Variants in CHRNA5 observed in about 807,000 individuals in gnomAD.
The protein encoded by CHRNA5 is neuronal acetylcholine receptor subunit alpha-5.
CHRNA5 carries 28 observed loss-of-function variants against 41.2 expected under a neutral mutation model. The ratio of observed to expected loss-of-function variants is 0.68; its 90% CI spans 0.50 to 0.93. The LOEUF is 0.93. Ranked by LOEUF, CHRNA5 falls within the 40% of genes least tolerant of loss-of-function variation. CHRNA5 has a pLI of 0.00. For synonymous variants in CHRNA5, 188 were observed against 205.8 expected (o/e 0.91, Z 0.74); for missense variants, 481 against 581.9 (o/e 0.83, Z 1.78).
At chr15:78,574,745 C>T (rs1356616963) in intron 1 of CHRNA5, among the ~76,000 whole-genome samples, 4 of 151,828 alleles carry the variant, frequency 2.6e-5, no homozygotes, top group South Asian at 4.2e-4. Context: ...TTTGGGAGGC[C>T]GAGACAGGTG....
intron 1 of CHRNA5, among the ~76,000 whole-genome samples, chr15:78,569,290 G>A (rs1388810105): frequency 6.6e-6 from 1 of 151,768 alleles, no homozygotes; most frequent in Non-Finnish European, 1.5e-5. Context: ...AGGATATGAA[G>A]TTTTAGTTCA....
At chr15:78,592,982 G>A in intron 5 of CHRNA5, 110 bp from the exon 6 acceptor site, 2 of 1,319,268 alleles carry the variant, frequency 1.5e-6, no homozygotes, top group South Asian at 1.5e-5. Context: ...TTTAGAGGCA[G>A]CAATGGGAGG....
At chr15:78,589,780 G>A in intron 4 of CHRNA5, 25 bp from the exon 5 acceptor site, 2 of 1,489,462 alleles carry the variant, frequency 1.3e-6, no homozygotes, top group East Asian at 2.3e-5. Context: ...TTTCTGCATT[G>A]TTATTTTATA....
At chr15:78,573,998 A>G in intron 1 of CHRNA5, among the ~76,000 whole-genome samples, 1 of 97,686 alleles carries the variant, frequency 1.0e-5, no homozygotes, top group African/African-American at 3.9e-5. Flanking sequence ...TATTTTTAGT[A>G]GAGACAGGGT....
At chr15:78,583,131 T>G (rs972498241) in intron 2 of CHRNA5, among the ~76,000 whole-genome samples, 1 of 152,224 alleles carries the variant, frequency 6.6e-6, no homozygotes. Flanking sequence ...ATTCCTTGTA[T>G]CTGTCCCAGA....
intron 1 of CHRNA5, among the ~76,000 whole-genome samples, chr15:78,571,275 A>G (rs183861620): frequency 6.6e-6 from 1 of 152,348 alleles, no homozygotes; most frequent in Non-Finnish European, 1.5e-5. Context: ...AGCCCAAACA[A>G]TGTAAGGCTA....
At chr15:78,593,481 C>G (rs1596066373) in exon 6 of CHRNA5, 2 of 325,892 alleles carry the variant, frequency 6.1e-6, no homozygotes, top group East Asian at 5.4e-5. Context: ...AAAATATTAT[C>G]TGAACTGGAC....
At chr15:78,570,083 A>G (rs1432064729) in intron 1 of CHRNA5, among the ~76,000 whole-genome samples, 3 of 151,938 alleles carry the variant, frequency 2.0e-5, no homozygotes, top group Non-Finnish European at 2.9e-5. Context: ...CGGCCTCCCA[A>G]AGTGTTGGGA....
intron 1 of CHRNA5, among the ~76,000 whole-genome samples, chr15:78,578,544 T>G (rs1345761416): frequency 6.6e-6 from 1 of 152,146 alleles, no homozygotes; most frequent in Non-Finnish European, 1.5e-5. Flanking sequence ...TTTTTAAAAT[T>G]AAACTAGTTA....
chr15:78,582,026 T>A (rs1489156111), intron 2 of CHRNA5, among the ~76,000 whole-genome samples: 1 of 152,226 alleles, frequency 6.6e-6, no homozygotes, highest in African/African-American at 2.4e-5. Flanking sequence ...ACGTCTCCTT[T>A]CCTTAAGAAA....
chr15:78,577,383 A>G (rs756662348), intron 1 of CHRNA5, among the ~76,000 whole-genome samples: 2 of 152,244 alleles, frequency 1.3e-5, no homozygotes, highest in Non-Finnish European at 2.9e-5. Context: ...TAAGTGCACT[A>G]TCAAGGTTTT....
At chr15:78,582,258 G>A (rs1282603090) in intron 2 of CHRNA5, among the ~76,000 whole-genome samples, 1 of 152,080 alleles carries the variant, frequency 6.6e-6, no homozygotes, top group Non-Finnish European at 1.5e-5. Flanking sequence ...GGCCAAGGTG[G>A]GTGGATCACT....
intron 2 of CHRNA5, among the ~76,000 whole-genome samples, chr15:78,585,791 C>CTTTTTTTTTTTTTTTTTTTTTTTTTTT (rs752254237): frequency 2.3e-5 from 3 of 130,612 alleles, no homozygotes; most frequent in Non-Finnish European, 3.1e-5. Context: ...TCTTTTCTTT[C>CTTTTTTTTTTTTTTTTTTTTTTTTTTT]TTTTTTTTTT....
chr15:78,594,366 C>A (rs945264185), exon 6 of CHRNA5: 2 of 152,092 alleles, frequency 1.3e-5, no homozygotes, highest in African/African-American at 4.8e-5. Flanking sequence ...ACTACAATTA[C>A]ATGAACCCCA....
chr15:78,589,848 AG>A lies in CHRNA5; in HGVS notation c.459del (p.Arg153SerfsTer20), dbSNP rs773716974. ...AGGGACCAGTACGAAAACAGTCATC[AG>A]GTACAATGGCACTGTCACCTGGACT... is the stretch of plus-strand genomic sequence containing the variant. On this transcript the variant is annotated frameshift_variant, in exon 5 of 6. Transcript: ENST00000299565. LOFTEE classifies it high-confidence loss of function. 58 of 1,610,098 alleles carry A rather than the reference AG, an allele frequency of 3.6e-5. No homozygotes were observed. Among genetic ancestry groups the A allele is most frequent in the Non-Finnish European group, 4.6e-5 (54 of 1,178,792 alleles).
rs554753297 is a variant in CHRNA5, at chr15:78,568,447, T to C, written c.106+2622T>C. ...CCAATGGTTATATTTCTTAGCTGTG[T>C]GACATTTTATTTTTTTAATTTTTTT... On this transcript the variant is annotated intron_variant, in intron 1 of 5. Transcript: ENST00000299565. 6.6e-5 allele frequency among the ~76,000 whole-genome samples: 10 copies of C among 150,506 alleles called. No individual in the cohort carries two copies. In the South Asian group the frequency reaches 2.1e-3, roughly 32 times the overall value.
At chr15:78,584,834 G>T (rs1303234658) in intron 2 of CHRNA5, among the ~76,000 whole-genome samples, 3 of 152,216 alleles carry the variant, frequency 2.0e-5, no homozygotes, top group Non-Finnish European at 2.9e-5. Flanking sequence ...TCTGGGTGGT[G>T]TGCGACTAGG....
intron 2 of CHRNA5, among the ~76,000 whole-genome samples, chr15:78,583,281 A>G (rs1700006): frequency 0.2 from 31,108 of 152,204 alleles, 3,402 homozygotes; most frequent in South Asian, 0.37. Context: ...GAGAGACTAG[A>G]AAATGAAAGG....
chr15:78,589,824 G>T, exon 5 of CHRNA5: 2 of 1,584,814 alleles, frequency 1.3e-6, no homozygotes, highest in South Asian at 1.2e-5. Context: ...ACGTTTTGAA[G>T]GGACCAGTAC....
Sources: gnomAD v4.1 joint callset for allele counts (sites outside exome capture counted in the v4.1 genomes callset) on GRCh38, gnomAD v4.1.1 for gene constraint, MANE v1.5 for transcripts, NCBI Gene and HGNC (gene_info 2026-07-23, HGNC 2026-07-21) for gene names.